SORCS2: variants seen among roughly 807,000 people sequenced by gnomAD.
SORCS2 encodes the protein sortilin related VPS10 domain containing receptor 2.
A neutral mutation model predicts 141.6 loss-of-function variants in SORCS2; 100 were observed. That is an observed-to-expected ratio of 0.71 (90% CI 0.60 to 0.83). The LOEUF is 0.83. Among genes scored for constraint, SORCS2 ranks in the 40% least tolerant of loss-of-function variants. The probability of loss-of-function intolerance (pLI) is 0.00; values close to 1 mark genes in which losing one functional copy is unlikely to be tolerated. For missense variants in SORCS2, 1,646 were observed against 1,560.2 expected (o/e 1.05, Z -0.93); for synonymous variants, 789 against 676.9 (o/e 1.17, Z -2.57).
intron 2 of SORCS2, among the ~76,000 whole-genome samples, chr4:7,504,006 G>C (rs780297437): frequency 2.1e-4 from 32 of 152,196 alleles, no homozygotes; most frequent in Non-Finnish European, 4.4e-4. Flanking sequence ...TCCACCCGGA[G>C]AGCAGGCCTG....
chr4:7,426,560 T>C (rs543477224), intron 2 of SORCS2, among the ~76,000 whole-genome samples: 1 of 152,254 alleles, frequency 6.6e-6, no homozygotes, highest in South Asian at 2.1e-4. Flanking sequence ...CCTCCAGCAT[T>C]CTCCCTCTGT....
intron 1 of SORCS2, among the ~76,000 whole-genome samples, chr4:7,292,814 T>C (rs986232149): frequency 2.6e-5 from 4 of 152,200 alleles, no homozygotes; most frequent in African/African-American, 9.7e-5. Flanking sequence ...ATTGCACGCC[T>C]TGCTGTGAAC....
intron 2 of SORCS2, chr4:7,434,920 G>T: frequency 6.7e-7 from 1 of 1,489,242 alleles, no homozygotes. Flanking sequence ...CCCAGCAGTG[G>T]CTGCTGCTAT....
At chr4:7,315,138 C>T (rs1052244007) in intron 1 of SORCS2, among the ~76,000 whole-genome samples, 11 of 152,050 alleles carry the variant, frequency 7.2e-5, no homozygotes, top group African/African-American at 1.7e-4. Flanking sequence ...TGGCCTTGTC[C>T]GCTGTTCTTC....
At position 7,703,488 on chromosome 4, in the gene SORCS2, A is replaced by C. The variant is rs959614616; in HGVS notation, c.1760+117A>C. The C allele has an allele frequency of 3.9e-6, 3 of 762,670 alleles. No homozygotes were observed. The African/African-American group carries it at 5.3e-5, about 14-fold the overall frequency. 47.2% of individuals were successfully genotyped at this position (762,670 alleles called of 1,614,324 possible). ...CCTCCCCTCGGGGACACATGATCACAGAGCAACTGCACTAAATCCTAAAGA... is the reference window on the plus strand; with the variant it reads ...CCTCCCCTCGGGGACACATGATCACCGAGCAACTGCACTAAATCCTAAAGA... On this transcript the variant is annotated intron_variant, in intron 13 of 26. Coordinates refer to ENST00000507866, the MANE Select transcript of SORCS2 (RefSeq NM_020777.3).
chr4:7,390,836 G>A (rs1723811714), intron 1 of SORCS2, among the ~76,000 whole-genome samples: 1 of 152,234 alleles, frequency 6.6e-6, no homozygotes, highest in African/African-American at 2.4e-5. Context: ...GTTTGGAATT[G>A]AACAGATTTC....
intron 3 of SORCS2, among the ~76,000 whole-genome samples, chr4:7,577,890 G>A (rs1391143782): frequency 1.4e-5 from 2 of 142,136 alleles, no homozygotes; most frequent in African/African-American, 2.6e-5. Flanking sequence ...GCCATGGTTT[G>A]GAGGTCATAT....
intron 2 of SORCS2, among the ~76,000 whole-genome samples, chr4:7,452,904 G>A (rs1241987423): frequency 1.4e-5 from 2 of 147,910 alleles, no homozygotes; most frequent in East Asian, 4.1e-4. Context: ...CTGTGTTGGG[G>A]TCAGGTGCTG....
intron 1 of SORCS2, among the ~76,000 whole-genome samples, chr4:7,244,274 G>C (rs1026542769): frequency 6.6e-6 from 1 of 152,184 alleles, no homozygotes; most frequent in African/African-American, 2.4e-5. Flanking sequence ...AGCTTGGGGG[G>C]TGAGTTTCTC....
chr4:7,257,089 G>A (rs1313829179), intron 1 of SORCS2, among the ~76,000 whole-genome samples: 1 of 152,162 alleles, frequency 6.6e-6, no homozygotes. Context: ...GAGACCTGTG[G>A]GGCAGGAGAG....
At chr4:7,563,402 C>A (rs1035059323) in intron 3 of SORCS2, among the ~76,000 whole-genome samples, 1 of 152,174 alleles carries the variant, frequency 6.6e-6, no homozygotes, top group African/African-American at 2.4e-5. Flanking sequence ...AAGTGACCTA[C>A]CCAGGGCAAG....
At chr4:7,382,739 A>T (rs1242807310) in intron 1 of SORCS2, among the ~76,000 whole-genome samples, 1 of 150,056 alleles carries the variant, frequency 6.7e-6, no homozygotes, top group Non-Finnish European at 1.5e-5. Flanking sequence ...GATGGTCTGC[A>T]GGTCTGGGGG....
At chr4:7,616,203 C>G (rs566262978) in intron 3 of SORCS2, among the ~76,000 whole-genome samples, 2 of 152,240 alleles carry the variant, frequency 1.3e-5, no homozygotes, top group African/African-American at 4.8e-5. Flanking sequence ...AAATAATTAC[C>G]TTCATCTGGA....
chr4:7,565,387 G>A (rs1187907706), intron 3 of SORCS2, among the ~76,000 whole-genome samples: 1 of 152,106 alleles, frequency 6.6e-6, no homozygotes, highest in African/African-American at 2.4e-5. Context: ...GTAGTATGGT[G>A]ATTAGAATTA....
At chr4:7,255,832 C>G (rs1036000160) in intron 1 of SORCS2, among the ~76,000 whole-genome samples, 2 of 150,174 alleles carry the variant, frequency 1.3e-5, no homozygotes, top group African/African-American at 5.0e-5. Context: ...GCGTGGGGAC[C>G]CGGGGTTGGT....
chr4:7,311,725 A>G (rs1269611779), intron 1 of SORCS2, among the ~76,000 whole-genome samples: 1 of 152,148 alleles, frequency 6.6e-6, no homozygotes, highest in Non-Finnish European at 1.5e-5. Context: ...ATCCTTTGTC[A>G]TTTTAAAAGA....
intron 2 of SORCS2, among the ~76,000 whole-genome samples, chr4:7,507,164 A>C (rs1050790398): frequency 1.5e-5 from 2 of 130,384 alleles, no homozygotes; most frequent in African/African-American, 5.2e-5. Flanking sequence ...AAGTGGATAA[A>C]TTCTTTTTTA....
At chr4:7,527,357 GCCTTT>G (rs1390539412) in intron 2 of SORCS2, among the ~76,000 whole-genome samples, 1 of 152,250 alleles carries the variant, frequency 6.6e-6, no homozygotes, top group Non-Finnish European at 1.5e-5. Context: ...TCCTCGTGGG[GCCTTT>G]GTAATCACAA....
At position 7,737,184 on chromosome 4, in the gene SORCS2, A is replaced by G. The variant is rs1712252421; in HGVS notation, c.3415+12A>G. On this transcript the variant is annotated intron_variant, in intron 26 of 26. Coordinates refer to ENST00000507866, the MANE Select transcript of SORCS2 (RefSeq NM_020777.3). ...GGGCGCTGTCCAGGGTGAGGAGTTT[A>G]TAGATGATGATCTCGACTCGCAGAC... is the stretch of plus-strand genomic sequence containing the variant. 1 of 1,550,754 alleles carries G rather than the reference A, an allele frequency of 6.4e-7. No homozygotes were observed. Among genetic ancestry groups the G allele is most frequent in the Non-Finnish European group, 8.7e-7 (1 of 1,146,808 alleles).
Sources: gnomAD v4.1 joint callset for allele counts (sites outside exome capture counted in the v4.1 genomes callset) on GRCh38, gnomAD v4.1.1 for gene constraint, MANE v1.5 for transcripts, NCBI Gene and HGNC (gene_info 2026-07-23, HGNC 2026-07-21) for gene names.